Variants in MYO3A observed in about 807,000 individuals in gnomAD.
MYO3A encodes myosin IIIA, also known as myosin-IIIa.
MYO3A carries 180 observed loss-of-function variants against 192.7 expected under a neutral mutation model. That is an observed-to-expected ratio of 0.93 (90% CI 0.83 to 1.06). MYO3A has a LOEUF of 1.06. MYO3A is among the 50% of genes least tolerant of loss of function. The pLI is 0.00. For synonymous variants in MYO3A, 628 were observed against 645.3 expected, an observed-to-expected ratio of 0.97 and a Z score of 0.41; for missense variants, 1,896 against 1,905.0, an observed-to-expected ratio of 1.00 and a Z score of 0.09.
intron 10 of MYO3A, among the ~76,000 whole-genome samples, chr10:26,033,717 C>G (rs1190431584): frequency 1.3e-5 from 2 of 152,064 alleles, no homozygotes; most frequent in Non-Finnish European, 2.9e-5. Flanking sequence ...CATAAATAAC[C>G]ATTATACAAA....
At chr10:26,019,860 A>G (rs1842210549) in intron 7 of MYO3A, among the ~76,000 whole-genome samples, 1 of 152,216 alleles carries the variant, frequency 6.6e-6, no homozygotes, top group African/African-American at 2.4e-5. Context: ...AATATTTGCC[A>G]CATGAATTTT....
In MYO3A at chr10:26,174,333, T is replaced by C; in HGVS notation, c.4069T>C (p.Tyr1357His). ...DKAAVFIQSK[Y>H]RGYKRRQQLR... ...AGCAGCGGTATTCATTCAGAGCAAATACCGGGGTTACAAGAGAAGGCAGCA... is the reference window on the plus strand; with the variant it reads ...AGCAGCGGTATTCATTCAGAGCAAACACCGGGGTTACAAGAGAAGGCAGCA... The change falls in exon 30 of 35, where the codon TAC becomes CAC. Residue 1357 changes from tyrosine to histidine, a missense_variant. By Grantham distance (83) the Tyr-to-His change is moderately conservative. Coordinates refer to ENST00000642920, the MANE Select transcript of MYO3A (RefSeq NM_017433.5). The C allele has an allele frequency of 6.2e-7, 1 of 1,614,076 alleles. No homozygotes were observed. The highest frequency in any genetic ancestry group is 1.3e-5 in the African/African-American group (1 of 74,992).
In MYO3A at chr10:26,166,224, G is replaced by T. The variant is rs142382495; in HGVS notation, c.3111+46G>T. 419 of 1,420,516 alleles carry T rather than the reference G, an allele frequency of 2.9e-4. 1 individual carries two copies. In the African/African-American group the frequency reaches 5.2e-3, roughly 17 times the overall value. The allele number at this position is 1,420,516 out of a possible 1,614,324, so 88.0% of individuals were successfully genotyped here. ...TCAGGAAAATAAATAATTATGCTGG[G>T]TTCACTGAGAATTGTAACATTTTAC... On this transcript the variant is annotated intron_variant, in intron 27 of 34. Transcript: ENST00000642920.
At chr10:26,062,045 T>TG in intron 10 of MYO3A, among the ~76,000 whole-genome samples, 1 of 43,880 alleles carries the variant, frequency 2.3e-5, no homozygotes, top group East Asian at 3.6e-4. Flanking sequence ...CCAGACGTTG[T>TG]GGGGGGATAT....
At chr10:26,157,562 ATCAT>A (rs770993149) in intron 26 of MYO3A, 47 bp downstream of exon 26, 2 of 1,570,900 alleles carry the variant, frequency 1.3e-6, no homozygotes, top group Non-Finnish European at 1.8e-6. Context: ...TTATATAAAA[ATCAT>A]TCAGAAGAAT....
In MYO3A at chr10:26,211,998, G is replaced by A. The variant is rs374110691; in HGVS notation, c.*35G>A. Reference sequence around the variant, plus strand: ...GAGGCAGTCACCGCCGTCGGAAGGCGCTGGAGCCTGCGGGGCAGCAGGGGC... The same window carrying A: ...GAGGCAGTCACCGCCGTCGGAAGGCACTGGAGCCTGCGGGGCAGCAGGGGC... On this transcript the variant is annotated 3_prime_UTR_variant, in exon 35 of 35. Transcript: ENST00000642920. The A allele has an allele frequency of 5.0e-6, 8 of 1,603,014 alleles. No individual in the cohort carries two copies. The highest frequency in any genetic ancestry group is 6.8e-6 in the Non-Finnish European group (8 of 1,172,482).
intron 2 of MYO3A, among the ~76,000 whole-genome samples, chr10:25,941,959 C>A (rs544396048): frequency 3.4e-4 from 51 of 151,640 alleles, no homozygotes; most frequent in Non-Finnish European, 5.2e-4. Flanking sequence ...CTTTTTAAGG[C>A]TGAATAATAT....
rs529264604 is a variant in MYO3A at position 26,124,401 on chromosome 10, C to T, written c.1904-997C>T. Among the ~76,000 whole-genome samples, 7 of 151,808 alleles carry T rather than the reference C, an allele frequency of 4.6e-5. No homozygotes were observed. In the South Asian group the frequency reaches 1.3e-3, roughly 27 times the overall value. ...AAGCATATTTACAGACAATATTGAA[C>T]AAAATGGGAAATGCATAAGATGTTA... is the stretch of plus-strand genomic sequence containing the variant. On this transcript the variant is annotated intron_variant, in intron 18 of 34. Coordinates refer to ENST00000642920, the MANE Select transcript of MYO3A (RefSeq NM_017433.5).
At chr10:26,019,398 A>G (rs1842175045) in intron 7 of MYO3A, among the ~76,000 whole-genome samples, 1 of 152,068 alleles carries the variant, frequency 6.6e-6, no homozygotes, top group African/African-American at 2.4e-5. Flanking sequence ...AGCTGGGACT[A>G]CAGGCGCCTG....
chr10:25,936,520 TAACA>T (rs1836076112), intron 2 of MYO3A, among the ~76,000 whole-genome samples: 1 of 152,180 alleles, frequency 6.6e-6, no homozygotes, highest in Non-Finnish European at 1.5e-5. Context: ...TGATTGTACC[TAACA>T]AACAAACTCC....
intron 4 of MYO3A, among the ~76,000 whole-genome samples, chr10:25,969,911 A>T (rs973955815): frequency 7.2e-5 from 11 of 152,166 alleles, no homozygotes; most frequent in Non-Finnish European, 1.0e-4. Flanking sequence ...TGGAATGGCT[A>T]TTTTAATATA....
chr10:25,985,131 G>A (rs149739128), intron 4 of MYO3A, among the ~76,000 whole-genome samples: 1,640 of 151,922 alleles, frequency 0.011, 25 homozygotes, highest in African/African-American at 0.036. Context: ...CCAGCTACTT[G>A]GGAGGCTGAG....
At chr10:26,068,116 G>C (rs1834963876) in intron 11 of MYO3A, among the ~76,000 whole-genome samples, 1 of 152,106 alleles carries the variant, frequency 6.6e-6, no homozygotes, top group African/African-American at 2.4e-5. Flanking sequence ...CACTAATCAT[G>C]TTGTTGACCA....
At chr10:25,995,132 C>G (rs1245599829) in intron 4 of MYO3A, among the ~76,000 whole-genome samples, 2 of 152,218 alleles carry the variant, frequency 1.3e-5, no homozygotes, top group African/African-American at 4.8e-5. Flanking sequence ...TTGTCCCTGC[C>G]ACTTTCAGGT....
At chr10:26,083,671 A>G (rs1836118570) in intron 14 of MYO3A, among the ~76,000 whole-genome samples, 1 of 152,218 alleles carries the variant, frequency 6.6e-6, no homozygotes, top group African/African-American at 2.4e-5. Context: ...CTTTCTTTCT[A>G]TACCTAAACT....
chr10:26,013,308 C>G (rs1841788195), intron 6 of MYO3A, among the ~76,000 whole-genome samples: 1 of 150,196 alleles, frequency 6.7e-6, no homozygotes, highest in Non-Finnish European at 1.5e-5. Context: ...TTCTGCACAG[C>G]AGAATAAATA....
intron 4 of MYO3A, among the ~76,000 whole-genome samples, chr10:25,992,321 T>C (rs1454589153): frequency 2.0e-5 from 3 of 152,352 alleles, no homozygotes; most frequent in Non-Finnish European, 4.4e-5. Context: ...TGTCTGTGAT[T>C]GGTGTATAAG....
chr10:26,195,935 A>C (rs1310016618), intron 32 of MYO3A, among the ~76,000 whole-genome samples: 1 of 152,232 alleles, frequency 6.6e-6, no homozygotes, highest in Non-Finnish European at 1.5e-5. Flanking sequence ...GACACATAGC[A>C]GGCATGCAAT....
intron 30 of MYO3A, 75 bp from the exon 31 acceptor site, chr10:26,176,626 T>C (rs1037448949): frequency 2.1e-6 from 3 of 1,411,328 alleles, no homozygotes; most frequent in African/African-American, 1.4e-5. Flanking sequence ...GTAAGGCGTT[T>C]CCCAGCCCCC....
Sources: gnomAD v4.1 joint callset for allele counts (sites outside exome capture counted in the v4.1 genomes callset) on GRCh38, gnomAD v4.1.1 for gene constraint, MANE v1.5 for transcripts, NCBI Gene and HGNC (gene_info 2026-07-23, HGNC 2026-07-21) for gene names.